The following FOLR1 variants were observed in gnomAD, a reference collection of about 807,000 sequenced individuals.
The protein encoded by FOLR1 is folate receptor alpha.
A neutral mutation model predicts 22.8 loss-of-function variants in FOLR1; 11 were observed. The observed-to-expected ratio is 0.48, with a 90% CI of 0.30 to 0.80. FOLR1 has a LOEUF of 0.80. Ranked by LOEUF, FOLR1 falls within the 30% of genes least tolerant of loss-of-function variation. FOLR1 has a pLI of 0.06. For missense variants in FOLR1, 273 were observed against 320.3 expected (o/e 0.85, Z 1.13); for synonymous variants, 108 against 116.5 (o/e 0.93, Z 0.47).
At chr11:72,192,035 T>C, upstream of FOLR1, 1 of 897,400 alleles carries the variant, frequency 1.1e-6, no homozygotes, top group Non-Finnish European at 1.8e-6. Flanking sequence ...CTGGGAAAAC[T>C]GAGGGAGATG....
intron 1 of FOLR1, among the ~76,000 whole-genome samples, chr11:72,194,144 T>C (rs571821439): frequency 9.9e-5 from 15 of 152,282 alleles, no homozygotes; most frequent in Admixed American, 2.6e-4. Flanking sequence ...AGCTTGAGGA[T>C]AGGCACACAG....
Position 72,192,402 on chromosome 11 carries a change from T to C in FOLR1, c.168+61T>C, listed in dbSNP as rs1172713802. On this transcript the variant is annotated intron_variant, in intron 1 of 3. Transcript: ENST00000393676. ...GGCTCAGGAAGAGGAAACGAGGACA[T>C]GGAAATGCCAAACCCCATTCACTGG... The C allele has an allele frequency of 6.3e-6, 10 of 1,583,580 alleles. No homozygotes were observed. The South Asian group carries it at 8.9e-5, about 14-fold the overall frequency.
intron 1 of FOLR1, among the ~76,000 whole-genome samples, chr11:72,194,334 G>A (rs1461286331): frequency 6.6e-6 from 1 of 152,176 alleles, no homozygotes; most frequent in Non-Finnish European, 1.5e-5. Context: ...GAGGCAGCTA[G>A]TCAGGGACAA....
upstream of FOLR1, chr11:72,190,445 G>GA (rs1165087404): frequency 6.6e-6 from 1 of 152,168 alleles, no homozygotes; most frequent in African/African-American, 2.4e-5. Context: ...ATCCTTGCAG[G>GA]AGAAAGCTAA....
At chr11:72,194,104 C>T (rs1315997016) in intron 1 of FOLR1, among the ~76,000 whole-genome samples, 1 of 152,000 alleles carries the variant, frequency 6.6e-6, no homozygotes, top group Non-Finnish European at 1.5e-5. Flanking sequence ...TAATATTTAG[C>T]TTGTCAGCCT....
In FOLR1 at chr11:72,195,688, A is replaced by G. The variant is rs1224242224; in HGVS notation, c.434A>G (p.Asp145Gly). The change falls in exon 3 of 4, where the codon GAT (aspartate) becomes GGT (glycine). Residue 145 changes from aspartate (D) to glycine (G), a missense_variant. Coordinates refer to ENST00000393676, the MANE Select transcript of FOLR1 (RefSeq NM_016729.3). ...CKEDCEQWWE[D>G]CRTSYTCKSN... ...GAGGACTGTGAGCAATGGTGGGAAGATTGTCGCACCTCCTACACCTGCAAG... is the reference window on the plus strand; with the variant it reads ...GAGGACTGTGAGCAATGGTGGGAAGGTTGTCGCACCTCCTACACCTGCAAG... 1 of 1,614,164 alleles carries G rather than the reference A, an allele frequency of 6.2e-7. No individual in the cohort carries two copies. The highest frequency in any genetic ancestry group is 1.7e-5 in the Admixed American group (1 of 60,014).
chr11:72,195,126 G>A, intron 1 of FOLR1, 145 bp from the exon 2 acceptor site: 2 of 816,480 alleles, frequency 2.4e-6, no homozygotes, highest in Non-Finnish European at 4.2e-6. Context: ...CTCCCCTAAA[G>A]AGGTCCCAAT....
At chr11:72,190,136 A>C (rs1431890594), upstream of FOLR1, 3 of 152,318 alleles carry the variant, frequency 2.0e-5, no homozygotes, top group African/African-American at 7.2e-5. Flanking sequence ...TCAAAAGGAC[A>C]GGAAGAGAGC....
At position 72,196,003 on chromosome 11, in the gene FOLR1, C is replaced by T. The variant is rs752737944; in HGVS notation, c.600C>T (p.Ser200=). 2 of 1,614,204 alleles carry T rather than the reference C, an allele frequency of 1.2e-6. No homozygotes were observed. Among genetic ancestry groups the T allele is most frequent in the Non-Finnish European group, 1.7e-6 (2 of 1,180,044 alleles). Reference sequence around the variant, plus strand: ...TCTGGACTCACTCCTACAAGGTCAGCAACTACAGCCGAGGGAGTGGCCGCT... The same window carrying T: ...TCTGGACTCACTCCTACAAGGTCAGTAACTACAGCCGAGGGAGTGGCCGCT... The part of the protein sequence containing the change: ...NEIWTHSYKV[S]NYSRGSGRCI... The change falls in exon 4 of 4, where the codon AGC becomes AGT. Residue 200 remains serine, a synonymous_variant. Coordinates refer to ENST00000393676, the MANE Select transcript of FOLR1 (RefSeq NM_016729.3).
intron 1 of FOLR1, among the ~76,000 whole-genome samples, chr11:72,193,854 G>C (rs939719084): frequency 6.6e-6 from 1 of 151,894 alleles, no homozygotes; most frequent in Non-Finnish European, 1.5e-5. Flanking sequence ...CACAATCTCA[G>C]CTCACTGCAA....
chr11:72,191,365 C>CTTT (rs5792581), upstream of FOLR1, among the ~76,000 whole-genome samples: 1 of 145,162 alleles, frequency 6.9e-6, no homozygotes, highest in Admixed American at 6.9e-5. Context: ...TTTTTATAAA[C>CTTT]TTTTTTTTTT....
intron 1 of FOLR1, among the ~76,000 whole-genome samples, chr11:72,193,604 TTTTG>T (rs71052856): frequency 4.1e-5 from 6 of 147,714 alleles, no homozygotes; most frequent in Non-Finnish European, 6.0e-5. Flanking sequence ...CCAGCTAATT[TTTTG>T]TTTGTTTGTT....
intron 1 of FOLR1, among the ~76,000 whole-genome samples, chr11:72,193,362 G>A (rs1348571538): frequency 2.7e-5 from 4 of 150,044 alleles, no homozygotes; most frequent in South Asian, 2.1e-4. Flanking sequence ...AAGAAAGGAA[G>A]GAAGGAAGGG....
chr11:72,194,659 A>G (rs1322683653), intron 1 of FOLR1, among the ~76,000 whole-genome samples: 1 of 151,998 alleles, frequency 6.6e-6, no homozygotes, highest in African/African-American at 2.4e-5. Context: ...TCGGCCTCCC[A>G]AAATGCTGGG....
chr11:72,193,765 T>A (rs1948189704), intron 1 of FOLR1, among the ~76,000 whole-genome samples: 1 of 147,200 alleles, frequency 6.8e-6, no homozygotes, highest in Non-Finnish European at 1.5e-5. Context: ...CGGCCTTAAG[T>A]GCACATTTTA....
chr11:72,195,628 G>A lies in FOLR1; in HGVS notation c.374G>A (p.Arg125His), dbSNP rs1202769307. The change falls in exon 3 of 4, where the codon CGC becomes CAC. Residue 125 changes from arginine (R) to histidine (H), a missense_variant. Transcript: ENST00000393676. ...ATCACCCAGGTGGATCAGAGCTGGC[G>A]CAAAGAGCGGGTACTGAACGTGCCC... is the stretch of plus-strand genomic sequence containing the variant. ...PWIQQVDQSW[R>H]KERVLNVPLC... is the part of the protein sequence containing the mutation. 6 of 1,614,230 alleles carry A rather than the reference G, an allele frequency of 3.7e-6. No individual in the cohort carries two copies. The highest frequency in any genetic ancestry group is 1.7e-5 in the Admixed American group (1 of 60,022).
In FOLR1 at chr11:72,195,358, T is replaced by C. The variant is rs1409176806; in HGVS notation, c.256T>C (p.Trp86Arg). The change falls in exon 2 of 4, where the codon TGG becomes CGG. Residue 86 changes from tryptophan to arginine, a missense_variant. Coordinates refer to ENST00000393676, the MANE Select transcript of FOLR1 (RefSeq NM_016729.3). ...TGTTTCCTACCTATATAGATTCAACTGGAACCACTGTGGAGAGATGGCACC... is the reference window on the plus strand; with the variant it reads ...TGTTTCCTACCTATATAGATTCAACCGGAACCACTGTGGAGAGATGGCACC... Reference protein sequence around the residue: ...KDVSYLYRFNWNHCGEMAPAC... With the variant: ...KDVSYLYRFNRNHCGEMAPAC... 6.2e-7 allele frequency: 1 copy of C among 1,614,078 alleles called. No individual in the cohort carries two copies. The highest frequency in any genetic ancestry group is 1.3e-5 in the African/African-American group (1 of 75,064).
intron 1 of FOLR1, among the ~76,000 whole-genome samples, chr11:72,192,846 C>T (rs957725862): frequency 1.3e-5 from 2 of 152,062 alleles, no homozygotes; most frequent in Non-Finnish European, 2.9e-5. Context: ...ATCCTCCCAC[C>T]TCAGCCTCCC....
chr11:72,194,665 CT>C (rs1948203249), intron 1 of FOLR1, among the ~76,000 whole-genome samples: 1 of 152,140 alleles, frequency 6.6e-6, no homozygotes, highest in South Asian at 2.1e-4. Flanking sequence ...TCCCAAAATG[CT>C]GGGATTACAG....
Sources: allele counts gnomAD v4.1 joint callset (sites outside exome capture counted in the v4.1 genomes callset), GRCh38; gene constraint gnomAD v4.1.1; transcripts MANE v1.5; gene names NCBI Gene and HGNC (gene_info 2026-07-23, HGNC 2026-07-21).